DMD: variants seen among roughly 807,000 people sequenced by gnomAD.
The protein encoded by DMD is mutant dystrophin.
In DMD, 63 loss-of-function variants were observed where a neutral mutation model predicts 330.1. The observed-to-expected ratio is 0.19, with a 90% confidence interval of 0.16 to 0.24. DMD has a LOEUF of 0.24. DMD is among the 10% of genes least tolerant of loss of function. The pLI, the probability that DMD is intolerant of heterozygous loss-of-function variation, is 1.00. For synonymous variants in DMD, 1,223 were observed against 959.8 expected, an observed-to-expected ratio of 1.27 and a Z score of -5.07; for missense variants, 3,344 against 2,684.1, an observed-to-expected ratio of 1.25 and a Z score of -5.43.
intron 1 of DMD, among the ~76,000 whole-genome samples, chrX:33,319,253 T>C (rs1484799062): frequency 9.0e-6 from 1 of 111,003 alleles, no homozygotes; most frequent in East Asian, 2.8e-4. Context: ...ACCCAGTTTA[T>C]TATTTATTTT....
At chrX:31,988,416 G>A (rs996780935) in intron 44 of DMD, among the ~76,000 whole-genome samples, 1 of 90,401 alleles carries the variant, frequency 1.1e-5, no homozygotes, top group Non-Finnish European at 2.1e-5. Context: ...GGAGCTTGCA[G>A]TGAGCCGAGA....
rs751712351 is a variant in DMD, at chrX:33,029,439, A to G, written c.32-9239T>C. On this transcript the variant is annotated intron_variant, in intron 1 of 78. Coordinates refer to ENST00000357033, the MANE Select transcript of DMD (RefSeq NM_004006.3). ...TGCTTCTGACACAATGTAAAATGCT[A>G]TGGATGACCTGTCTGTTCCTTTGCC... is the stretch of plus-strand genomic sequence containing the variant. 2.7e-5 allele frequency among the ~76,000 whole-genome samples: 3 copies of G among 112,047 alleles called. No homozygotes were observed. In the East Asian group the frequency reaches 8.5e-4, roughly 32 times the overall value.
intron 61 of DMD, among the ~76,000 whole-genome samples, chrX:31,340,352 G>A (rs756316384): frequency 8.9e-6 from 1 of 112,410 alleles, no homozygotes; most frequent in South Asian, 3.7e-4. Context: ...CACTGCAAGA[G>A]GTCACTGGTT....
At chrX:32,968,783 A>G (rs1437483790) in intron 2 of DMD, among the ~76,000 whole-genome samples, 1 of 108,958 alleles carries the variant, frequency 9.2e-6, no homozygotes, top group Non-Finnish European at 1.9e-5. Flanking sequence ...TAATCCCAGC[A>G]CTTTGGGAGG....
At chrX:31,277,055 T>A (rs891808508) in intron 62 of DMD, among the ~76,000 whole-genome samples, 3 of 111,946 alleles carry the variant, frequency 2.7e-5, no homozygotes, top group South Asian at 3.8e-4. Context: ...TCTTTTTTTT[T>A]AATTGACAAA....
chrX:32,738,263 G>A (rs755318763), intron 7 of DMD, among the ~76,000 whole-genome samples: 2 of 111,241 alleles, frequency 1.8e-5, no homozygotes, highest in African/African-American at 6.5e-5. Context: ...GGTGGGTCTT[G>A]TTGCTTTTAA....
At chrX:32,683,755 G>T (rs2062620246) in intron 9 of DMD, among the ~76,000 whole-genome samples, 1 of 104,440 alleles carries the variant, frequency 9.6e-6, no homozygotes, top group Non-Finnish European at 1.9e-5. Context: ...TAACTAACCT[G>T]CACATTGTGC....
chrX:31,908,262 A>G (rs1433514895), intron 47 of DMD, among the ~76,000 whole-genome samples: 2 of 111,992 alleles, frequency 1.8e-5, no homozygotes, highest in East Asian at 2.8e-4. Context: ...AGACACATGC[A>G]CACGTATGTT....
chrX:31,710,081 T>C (rs189650193), intron 52 of DMD, among the ~76,000 whole-genome samples: 3 of 111,996 alleles, frequency 2.7e-5, no homozygotes, highest in Admixed American at 9.5e-5. Context: ...ATCCCTATTA[T>C]GTCAGAATTT....
intron 1 of DMD, among the ~76,000 whole-genome samples, chrX:33,089,838 A>G (rs932485902): frequency 2.7e-5 from 3 of 111,552 alleles, no homozygotes; most frequent in African/African-American, 9.8e-5. Context: ...CTCTCGGGAG[A>G]AAAATGAAGT....
chrX:31,362,806 C>A (rs764146331), intron 60 of DMD, among the ~76,000 whole-genome samples: 7 of 112,067 alleles, frequency 6.2e-5, no homozygotes, highest in Non-Finnish European at 1.3e-4. Flanking sequence ...TTAAATTAGC[C>A]GGGCATGGTG....
chrX:31,900,272 C>A (rs1290292156), intron 47 of DMD, among the ~76,000 whole-genome samples: 1 of 111,523 alleles, frequency 9.0e-6, no homozygotes, highest in African/African-American at 3.3e-5. Flanking sequence ...CCACCCAAAT[C>A]TCATGTTGAA....
At chrX:32,002,020 G>T (rs1047835735) in intron 44 of DMD, among the ~76,000 whole-genome samples, 1 of 111,905 alleles carries the variant, frequency 8.9e-6, no homozygotes, top group East Asian at 2.8e-4. Context: ...GCAGGAACTT[G>T]ATTGGGGATT....
At chrX:31,923,560 A>G (rs1340487061) in intron 47 of DMD, among the ~76,000 whole-genome samples, 1 of 107,299 alleles carries the variant, frequency 9.3e-6, no homozygotes, top group African/African-American at 3.4e-5. Flanking sequence ...TCTGGGAACT[A>G]TCAGACTATA....
At chrX:33,054,929 T>C (rs1260622228) in intron 1 of DMD, among the ~76,000 whole-genome samples, 4 of 111,910 alleles carry the variant, frequency 3.6e-5, no homozygotes. Flanking sequence ...GAATTAACTA[T>C]GTGACATACA....
intron 59 of DMD, among the ~76,000 whole-genome samples, chrX:31,451,733 G>C: frequency 9.0e-6 from 1 of 110,726 alleles, no homozygotes; most frequent in Non-Finnish European, 1.9e-5. Context: ...AGACAAAGGG[G>C]ATACTTTGCA....
intron 60 of DMD, among the ~76,000 whole-genome samples, chrX:31,421,484 T>C (rs968141196): frequency 1.6e-4 from 18 of 111,900 alleles, no homozygotes; most frequent in African/African-American, 5.8e-4. Flanking sequence ...AAAATCCACA[T>C]TTCTATCAAT....
chrX:33,216,895 T>G (rs1310440907), intron 1 of DMD, among the ~76,000 whole-genome samples: 1 of 111,508 alleles, frequency 9.0e-6, no homozygotes, highest in African/African-American at 3.3e-5. Context: ...AGTTAATTCT[T>G]AAATAATTGG....
chrX:32,389,964 A>G, intron 31 of DMD, 107 bp downstream of exon 31: 8 of 667,880 alleles, frequency 1.2e-5, no homozygotes, highest in Non-Finnish European at 1.9e-5. Context: ...TATAGTTTTC[A>G]AATAATGTCC....
Sources: gnomAD v4.1 joint callset for allele counts (sites outside exome capture counted in the v4.1 genomes callset) on GRCh38, gnomAD v4.1.1 for gene constraint, MANE v1.5 for transcripts, NCBI Gene and HGNC (gene_info 2026-07-23, HGNC 2026-07-21) for gene names.